The following FRMD3 variants were observed in gnomAD, a reference collection of about 807,000 sequenced individuals.
FRMD3 encodes FERM domain containing 3.
Under a neutral mutation model 70.2 loss-of-function variants are expected in FRMD3, and 33 were observed. That is an observed-to-expected ratio of 0.47 (90% CI 0.36 to 0.63). FRMD3 has a LOEUF of 0.63. Ranked by LOEUF, FRMD3 falls within the 20% of genes least tolerant of loss-of-function variation. The pLI, the probability that FRMD3 is intolerant of heterozygous loss-of-function variation, is 0.00. For missense variants in FRMD3, 632 were observed against 711.4 expected (o/e 0.89, Z 1.27); for synonymous variants, 279 against 255.9 (o/e 1.09, Z -0.86).
At chr9:83,258,389 A>T (rs922597365) in intron 13 of FRMD3, among the ~76,000 whole-genome samples, 1 of 152,254 alleles carries the variant, frequency 6.6e-6, no homozygotes, top group African/African-American at 2.4e-5. Context: ...CAAATGCTAC[A>T]GCTGAGGTTT....
chr9:83,265,315 G>A (rs891875318), intron 13 of FRMD3, among the ~76,000 whole-genome samples: 4 of 151,144 alleles, frequency 2.6e-5, no homozygotes, highest in Non-Finnish European at 5.9e-5. Flanking sequence ...CAGGAGAATG[G>A]TGTGAACCCG....
At chr9:83,404,829 G>A (rs1031421227) in intron 1 of FRMD3, among the ~76,000 whole-genome samples, 39 of 152,276 alleles carry the variant, frequency 2.6e-4, no homozygotes, top group Admixed American at 6.5e-4. Context: ...TTTTATTTGC[G>A]TTTTCTAGCT....
At chr9:83,521,679 T>C (rs191762374) in intron 1 of FRMD3, among the ~76,000 whole-genome samples, 1 of 152,336 alleles carries the variant, frequency 6.6e-6, no homozygotes, top group African/African-American at 2.4e-5. Flanking sequence ...TGGTCATCAT[T>C]GTTTTCCAGA....
At chr9:83,478,648 G>A (rs1404148956) in intron 1 of FRMD3, among the ~76,000 whole-genome samples, 1 of 152,112 alleles carries the variant, frequency 6.6e-6, no homozygotes, top group Non-Finnish European at 1.5e-5. Context: ...CCACTTCAGG[G>A]TATATGCCCA....
At chr9:83,347,623 A>T (rs10746703) in intron 4 of FRMD3, among the ~76,000 whole-genome samples, 47,457 of 152,092 alleles carry the variant, frequency 0.31, 7,771 homozygotes, top group Non-Finnish European at 0.35. Context: ...TTATTTTGTG[A>T]TTTTAAATTT....
At chr9:83,243,103 G>T (rs996350814), downstream of FRMD3, 23 of 1,207,648 alleles carry the variant, frequency 1.9e-5, no homozygotes, top group Non-Finnish European at 2.4e-5. Flanking sequence ...CCACTGGGTG[G>T]GGCCCACCGA....
intron 1 of FRMD3, among the ~76,000 whole-genome samples, chr9:83,492,287 T>C (rs1014598294): frequency 6.2e-4 from 95 of 152,230 alleles, no homozygotes; most frequent in Non-Finnish European, 5.3e-4. Flanking sequence ...GCAGAAGTGC[T>C]GCATGGAGAT....
rs1382648297 is a variant in FRMD3 at position 83,538,109 on chromosome 9, G to A, written c.123C>T (p.Asp41=). The A allele has an allele frequency of 1.2e-6, 2 of 1,613,340 alleles. No homozygotes were observed. The highest frequency in any genetic ancestry group is 4.5e-5 in the East Asian group (2 of 44,836). The change falls in exon 1 of 14, where the codon GAC becomes GAT. Residue 41 remains aspartate, a synonymous_variant. Transcript: ENST00000304195. This position sits in a 1 kb window ranked among gnomAD's most constrained non-coding sequence, Gnocchi z 4.7. ...CCTGGATGTGGCAGGAGATCTCCGA[G>A]TCGTCCAGCAGCCGGATGGTGCATC... ...EMRCTIRLLD[D]SEISCHIQRE... is the part of the protein sequence containing the mutation.
At chr9:83,342,733 TA>T (rs1362074752) in intron 5 of FRMD3, among the ~76,000 whole-genome samples, 3 of 98,658 alleles carry the variant, frequency 3.0e-5, no homozygotes, top group Non-Finnish European at 7.0e-5. Flanking sequence ...GATAGATAGA[TA>T]GTTAGATAGA....
At chr9:83,565,338 T>C in the FRMD3 span, among the ~76,000 whole-genome samples, 1 of 152,220 alleles carries the variant, frequency 6.6e-6, no homozygotes, top group Non-Finnish European at 1.5e-5. Flanking sequence ...TTTCTATTGA[T>C]GTGGATGCCA....
In FRMD3 at chr9:83,247,213, A is replaced by G. The variant is rs755462939; in HGVS notation, c.*705T>C. On this transcript the variant is annotated 3_prime_UTR_variant, in exon 14 of 14. Transcript: ENST00000304195. The stretch of plus-strand genomic sequence containing the variant: ...TCTGTTTTAGCAGCTTACTTACTAT[A>G]GTGTCTTTCTACCCATTTTCTATCT... The G allele has an allele frequency of 2.0e-6, 2 of 985,338 alleles. No individual in the cohort carries two copies. Among genetic ancestry groups the G allele is most frequent in the Non-Finnish European group, 2.4e-6 (2 of 829,882 alleles). 61.0% of individuals were successfully genotyped at this position (985,338 alleles called of 1,614,324 possible).
chr9:83,421,130 C>T (rs987221844), intron 1 of FRMD3, among the ~76,000 whole-genome samples: 2 of 150,984 alleles, frequency 1.3e-5, no homozygotes, highest in African/African-American at 2.4e-5. Flanking sequence ...TTAGTAGAGG[C>T]GGGGTTTCAC....
chr9:83,576,621 G>A, the FRMD3 span, among the ~76,000 whole-genome samples: 3 of 151,980 alleles, frequency 2.0e-5, no homozygotes, highest in African/African-American at 7.3e-5. Context: ...AGGCCCAAGT[G>A]TATGTTATTC....
chr9:83,374,113 ACT>A (rs1232871172), intron 2 of FRMD3, among the ~76,000 whole-genome samples: 5 of 152,046 alleles, frequency 3.3e-5, no homozygotes, highest in African/African-American at 4.8e-5. Flanking sequence ...GACTAAGGTC[ACT>A]CTGCTGATAA....
At chr9:83,581,043 A>G in the FRMD3 span, among the ~76,000 whole-genome samples, 44 of 152,258 alleles carry the variant, frequency 2.9e-4, no homozygotes, top group Non-Finnish European at 5.0e-4. Flanking sequence ...GAGATTCATT[A>G]TATTGTCTCA....
chr9:83,538,471 C>T (rs1829953498), upstream of FRMD3: 3 of 346,156 alleles, frequency 8.7e-6, no homozygotes, highest in East Asian at 1.3e-4. The surrounding 1 kb of genome is among the most constrained non-coding windows in gnomAD (Gnocchi z 4.7). Flanking sequence ...TTCTGTCGCG[C>T]GCGCTCGTGC....
chr9:83,475,109 T>C (rs1004499373), intron 1 of FRMD3, among the ~76,000 whole-genome samples: 17 of 152,030 alleles, frequency 1.1e-4, no homozygotes, highest in African/African-American at 4.1e-4. Context: ...CAACATTCAA[T>C]TAAAAATTAC....
At chr9:83,300,340 G>C (rs533727041) in intron 10 of FRMD3, among the ~76,000 whole-genome samples, 28 of 152,360 alleles carry the variant, frequency 1.8e-4, no homozygotes, top group African/African-American at 6.0e-4. Flanking sequence ...CACGGTGCAA[G>C]TGGTGGTGGA....
chr9:83,452,609 G>A lies in FRMD3; in HGVS notation c.148-62901C>T, dbSNP rs573643661. On this transcript the variant is annotated intron_variant, in intron 1 of 13. Coordinates refer to ENST00000304195, the MANE Select transcript of FRMD3 (RefSeq NM_174938.6). ...CCATTCTCCTGCCTCAGCCTCCCAA[G>A]CAGCTGGGACTACAGGCGCCCACCA... Among the ~76,000 whole-genome samples, 17 of 151,664 alleles carry A rather than the reference G, an allele frequency of 1.1e-4. No individual in the cohort carries two copies. In the South Asian group the frequency reaches 3.3e-3, roughly 30 times the overall value.
Sources: allele counts gnomAD v4.1 joint callset (sites outside exome capture counted in the v4.1 genomes callset), GRCh38; gene constraint gnomAD v4.1.1; non-coding constraint Gnocchi (gnomAD v3.1); transcripts MANE v1.5; gene names NCBI Gene and HGNC (gene_info 2026-07-23, HGNC 2026-07-21).